TENM1: variants seen among roughly 807,000 people sequenced by gnomAD.
The protein encoded by TENM1 is teneurin-1.
A neutral mutation model predicts 174.8 loss-of-function variants in TENM1; 35 were observed. The observed-to-expected ratio is 0.20, with a 90% CI of 0.15 to 0.27. TENM1 has a LOEUF of 0.27. Ranked by LOEUF, TENM1 falls within the 10% of genes least tolerant of loss-of-function variation. TENM1 has a pLI of 1.00. For synonymous variants in TENM1, 781 were observed against 798.7 expected (o/e 0.98, Z 0.37); for missense variants, 1,633 against 2,130.1 (o/e 0.77, Z 4.59).
At chrX:124,829,875 T>A (rs1360750462) in intron 3 of TENM1, among the ~76,000 whole-genome samples, 1 of 112,174 alleles carries the variant, frequency 8.9e-6, no homozygotes, top group East Asian at 2.8e-4. Context: ...ACCCCATCCC[T>A]CCCAAAATTA....
intron 2 of TENM1, among the ~76,000 whole-genome samples, chrX:124,895,369 A>G (rs2147575879): frequency 8.9e-6 from 1 of 112,332 alleles, no homozygotes; most frequent in Non-Finnish European, 1.9e-5. Context: ...CCAACAAATC[A>G]AAAAGACAAA....
the TENM1 span, among the ~76,000 whole-genome samples, chrX:125,192,977 T>C: frequency 9.0e-6 from 1 of 111,280 alleles, no homozygotes; most frequent in Non-Finnish European, 1.9e-5. Context: ...TTTTTTTCAG[T>C]TATTTTTTTT....
At chrX:124,550,716 T>TA (rs1179927720) in intron 14 of TENM1, among the ~76,000 whole-genome samples, 2 of 111,074 alleles carry the variant, frequency 1.8e-5, no homozygotes, top group Non-Finnish European at 3.8e-5. Context: ...GTGGTTAAGG[T>TA]AAAAAACAAA....
chrX:124,958,460 C>T (rs911152214), intron 1 of TENM1, among the ~76,000 whole-genome samples: 2 of 111,592 alleles, frequency 1.8e-5, no homozygotes, highest in Non-Finnish European at 3.8e-5. Flanking sequence ...AATGAAAAGG[C>T]GTTTAACCTC....
chrX:124,810,342 C>T (rs1308123647), intron 3 of TENM1, among the ~76,000 whole-genome samples: 2 of 111,188 alleles, frequency 1.8e-5, no homozygotes, highest in Non-Finnish European at 3.8e-5. Flanking sequence ...GCTGTTAGAA[C>T]AAATAAAGGA....
chrX:124,405,328 G>C lies in TENM1; in HGVS notation c.5156-62C>G, dbSNP rs59812568. The stretch of plus-strand genomic sequence containing the variant: ...GAAGGGAAGAGCAGGAAGCAGAAAA[G>C]AGACAGGTTTAGTTTTAGGAGGCAC... On this transcript the variant is annotated intron_variant, in intron 26 of 31. Transcript: ENST00000422452. 8.7e-4 allele frequency: 869 copies of C among 1,004,550 alleles called. 6 individuals carry two copies. The African/African-American group carries it at 0.013, about 15-fold the overall frequency. 82.8% of individuals were successfully genotyped at this position (1,004,550 alleles called of 1,213,427 possible).
chrX:124,978,467 C>G, the TENM1 span, among the ~76,000 whole-genome samples: 2 of 111,700 alleles, frequency 1.8e-5, no homozygotes, highest in Non-Finnish European at 3.8e-5. Context: ...TATAGTATAG[C>G]AGCTCTGGAT....
chrX:125,193,403 T>C, the TENM1 span, among the ~76,000 whole-genome samples: 1 of 112,147 alleles, frequency 8.9e-6, no homozygotes, highest in East Asian at 2.8e-4. Context: ...TTTTCTTTTT[T>C]AGAGATGGGG....
intron 22 of TENM1, among the ~76,000 whole-genome samples, chrX:124,470,256 T>C (rs185319847): frequency 3.3e-4 from 37 of 112,308 alleles, no homozygotes; most frequent in Middle Eastern, 4.6e-3. Context: ...TGTATCCATA[T>C]GTTATAATAT....
exon 32 of TENM1, chrX:124,380,606 T>C: frequency 8.3e-7 from 1 of 1,211,278 alleles, no homozygotes; most frequent in Non-Finnish European, 1.1e-6. Context: ...TTCTAAATAC[T>C]GCTCAACAGA....
At chrX:124,501,371 T>C (rs1184872067) in intron 19 of TENM1, among the ~76,000 whole-genome samples, 1 of 111,825 alleles carries the variant, frequency 8.9e-6, no homozygotes, top group Non-Finnish European at 1.9e-5. Context: ...AATGGTTAAC[T>C]GTCAGGTAAA....
At chrX:124,427,190 C>T (rs949155170) in intron 23 of TENM1, among the ~76,000 whole-genome samples, 9 of 112,095 alleles carry the variant, frequency 8.0e-5, no homozygotes, top group African/African-American at 2.3e-4. Flanking sequence ...CTCTGGGAGC[C>T]GAGGCCAGGG....
chrX:124,466,620 A>G (rs1172837721), intron 22 of TENM1, among the ~76,000 whole-genome samples: 1 of 112,206 alleles, frequency 8.9e-6, no homozygotes, highest in Non-Finnish European at 1.9e-5. Context: ...TAAGAAAAGT[A>G]CAACGGAAAG....
Position 124,645,436 on chromosome X carries a change from T to C in TENM1, c.1682-99A>G, listed in dbSNP as rs2051133725. The stretch of plus-strand genomic sequence containing the variant: ...TTTTCGTATTTCAGGCAAAAAATTG[T>C]ACTATTTCTGTCTTACCCTTTATTA... On this transcript the variant is annotated intron_variant, in intron 9 of 31. Transcript: ENST00000422452. 4.8e-6 allele frequency: 4 copies of C among 831,408 alleles called. No homozygotes were observed. In the East Asian group the frequency reaches 1.3e-4, roughly 27 times the overall value. 68.5% of individuals were successfully genotyped at this position (831,408 alleles called of 1,213,427 possible). A position where few individuals can be genotyped will look rare whatever the true frequency, so the allele number is the denominator to read the frequency against.
At chrX:124,555,212 C>T (rs935469496) in intron 14 of TENM1, among the ~76,000 whole-genome samples, 1 of 111,379 alleles carries the variant, frequency 9.0e-6, no homozygotes, top group East Asian at 2.8e-4. Flanking sequence ...AAAGACATGC[C>T]TTTTACTTTA....
chrX:125,119,823 G>GA, the TENM1 span, among the ~76,000 whole-genome samples: 3 of 111,129 alleles, frequency 2.7e-5, no homozygotes, highest in Admixed American at 1.9e-4. Flanking sequence ...AAAAAATGAA[G>GA]ATGATGAAAA....
chrX:125,021,633 T>C, the TENM1 span, among the ~76,000 whole-genome samples: 1 of 111,758 alleles, frequency 8.9e-6, no homozygotes, highest in Non-Finnish European at 1.9e-5. Flanking sequence ...TTAGGCTTTC[T>C]GGTTCATATG....
the TENM1 span, among the ~76,000 whole-genome samples, chrX:125,002,860 C>G: frequency 9.0e-6 from 1 of 111,677 alleles, no homozygotes; most frequent in African/African-American, 3.3e-5. Flanking sequence ...CTTTACAAAC[C>G]AAGGGTCTCC....
the TENM1 span, among the ~76,000 whole-genome samples, chrX:125,048,043 A>G: frequency 9.0e-6 from 1 of 110,993 alleles, no homozygotes; most frequent in Non-Finnish European, 1.9e-5. Context: ...CCAATTTTAA[A>G]GGCAAAGAAA....
Sources: gnomAD v4.1 joint callset for allele counts (sites outside exome capture counted in the v4.1 genomes callset) on GRCh38, gnomAD v4.1.1 for gene constraint, MANE v1.5 for transcripts, NCBI Gene and HGNC (gene_info 2026-07-23, HGNC 2026-07-21) for gene names.